MAGI2: variants seen among roughly 807,000 people sequenced by gnomAD.
MAGI2 encodes membrane associated guanylate kinase, WW and PDZ domain containing 2.
In MAGI2, 35 loss-of-function variants were observed where a neutral mutation model predicts 133.3. The ratio of observed to expected loss-of-function variants is 0.26; its 90% confidence interval spans 0.20 to 0.35. The LOEUF (loss-of-function observed/expected upper bound fraction) is 0.35. Among genes scored for constraint, MAGI2 ranks in the 10% least tolerant of loss-of-function variants. The probability of loss-of-function intolerance (pLI) is 1.00; values close to 1 mark genes in which losing one functional copy is unlikely to be tolerated. For missense variants in MAGI2, 1,636 were observed against 1,863.4 expected (o/e 0.88, Z 2.25); for synonymous variants, 729 against 710.6 (o/e 1.03, Z -0.41).
chr7:79,025,403 T>C lies in MAGI2; in HGVS notation c.302-18197A>G, dbSNP rs553254396. Among the ~76,000 whole-genome samples, 157 of 152,292 alleles carry C rather than the reference T, an allele frequency of 1.0e-3. 1 individual carries two copies. The highest frequency in any genetic ancestry group is 3.7e-3 in the African/African-American group (152 of 41,568). On this transcript the variant is annotated intron_variant, in intron 1 of 21. Coordinates refer to ENST00000354212, the MANE Select transcript of MAGI2 (RefSeq NM_012301.4). ...TCAAAAAACTACTTATTGGGTGCTA[T>C]GCTTATTACCTGGGTGATGAAGTAA...
chr7:78,949,095 A>G (rs1327945202), intron 2 of MAGI2, among the ~76,000 whole-genome samples: 1 of 152,160 alleles, frequency 6.6e-6, no homozygotes, highest in East Asian at 1.9e-4. Context: ...GGAAAAATAA[A>G]GCCTTAGTTT....
At chr7:78,881,727 G>A (rs1031920274) in intron 2 of MAGI2, among the ~76,000 whole-genome samples, 1 of 151,812 alleles carries the variant, frequency 6.6e-6, no homozygotes, top group Non-Finnish European at 1.5e-5. Flanking sequence ...AGTTAAAGCA[G>A]AGATCAAAAA....
intron 4 of MAGI2, among the ~76,000 whole-genome samples, chr7:78,511,902 TG>T (rs1284617301): frequency 6.6e-6 from 1 of 151,038 alleles, no homozygotes; most frequent in Non-Finnish European, 1.5e-5. Flanking sequence ...GAGACCAGAC[TG>T]GCTAACACGG....
chr7:78,461,420 G>A (rs1790004067), intron 6 of MAGI2, among the ~76,000 whole-genome samples: 1 of 148,680 alleles, frequency 6.7e-6, no homozygotes, highest in African/African-American at 2.4e-5. Context: ...GTGTGTGTGT[G>A]TGTGTTGGGA....
At chr7:78,475,345 A>G (rs1003141682) in intron 6 of MAGI2, among the ~76,000 whole-genome samples, 5 of 152,034 alleles carry the variant, frequency 3.3e-5, no homozygotes, top group African/African-American at 1.2e-4. Flanking sequence ...GTAAAAGAAT[A>G]GCTGGATAGT....
At chr7:78,787,166 T>A (rs1332674114) in intron 2 of MAGI2, among the ~76,000 whole-genome samples, 1 of 152,162 alleles carries the variant, frequency 6.6e-6, no homozygotes, top group Non-Finnish European at 1.5e-5. Context: ...CAGGCTGGTC[T>A]CGATCTCCTG....
chr7:78,152,712 A>G (rs751717759), intron 16 of MAGI2, among the ~76,000 whole-genome samples: 1 of 152,204 alleles, frequency 6.6e-6, no homozygotes, highest in South Asian at 2.1e-4. Context: ...AATTAGTTAT[A>G]TTAGAAGCCA....
chr7:78,670,157 G>A (rs1814185193), intron 2 of MAGI2, among the ~76,000 whole-genome samples: 1 of 151,824 alleles, frequency 6.6e-6, no homozygotes, highest in Non-Finnish European at 1.5e-5. Flanking sequence ...TGACATGATT[G>A]TATATCTAGA....
intron 2 of MAGI2, among the ~76,000 whole-genome samples, chr7:78,799,854 T>C (rs944142170): frequency 6.6e-6 from 1 of 152,266 alleles, no homozygotes; most frequent in South Asian, 2.1e-4. Context: ...CTTTTTTCCA[T>C]AGAACATTTT....
chr7:79,385,189 G>T (rs1235186732), intron 1 of MAGI2, among the ~76,000 whole-genome samples: 1 of 151,792 alleles, frequency 6.6e-6, no homozygotes, highest in African/African-American at 2.4e-5. Context: ...TGTTGTAATG[G>T]ACTAGAAGGC....
chr7:78,132,960 T>G lies in MAGI2; in HGVS notation c.3132A>C (p.Pro1044=). The stretch of plus-strand genomic sequence containing the variant: ...GGGCGATGGGGCTGTTGGGGGTGGC[T>G]GGGCTTGGCTGGGCCAGGGGACTCT... The part of the protein sequence containing the change: ...AQQSPLAQPS[P]ATPNSPIAQP... The change falls in exon 18 of 22, where the codon CCA becomes CCC. Residue 1044 remains proline (P), a synonymous_variant. Transcript: ENST00000354212. The G allele has an allele frequency of 6.2e-7, 1 of 1,613,524 alleles. No individual in the cohort carries two copies.
intron 9 of MAGI2, among the ~76,000 whole-genome samples, chr7:78,326,129 A>C (rs1420628903): frequency 6.6e-6 from 1 of 152,156 alleles, no homozygotes. Context: ...AGAGACTCCC[A>C]AGGACCACAC....
At position 78,798,088 on chromosome 7, in the gene MAGI2, T is replaced by C. The variant is rs148197875; in HGVS notation, c.419-170849A>G. ...AACAAAAATATGTAACAGGTTGTTTTTGAAATACAGAACAAAGGACCAGGA... is the reference window on the plus strand; with the variant it reads ...AACAAAAATATGTAACAGGTTGTTTCTGAAATACAGAACAAAGGACCAGGA... On this transcript the variant is annotated intron_variant, in intron 2 of 21. Coordinates refer to ENST00000354212, the MANE Select transcript of MAGI2 (RefSeq NM_012301.4). Among the ~76,000 whole-genome samples the C allele has an allele frequency of 3.0e-3, 461 of 152,296 alleles. 2 individuals carry two copies. Among genetic ancestry groups the C allele is most frequent in the African/African-American group, 0.011 (437 of 41,566 alleles).
intron 2 of MAGI2, among the ~76,000 whole-genome samples, chr7:78,874,066 AAC>A (rs1223939379): frequency 6.6e-6 from 1 of 152,218 alleles, no homozygotes; most frequent in Non-Finnish European, 1.5e-5. Context: ...TAATGAGAAT[AAC>A]CATATATGAA....
At chr7:78,508,408 T>C (rs904345605) in intron 4 of MAGI2, among the ~76,000 whole-genome samples, 1 of 152,348 alleles carries the variant, frequency 6.6e-6, no homozygotes, top group East Asian at 1.9e-4. Flanking sequence ...CCCTGATTAA[T>C]ATGGAAAATA....
chr7:78,291,927 G>GTATC (rs1323790178), intron 9 of MAGI2, among the ~76,000 whole-genome samples: 1 of 152,114 alleles, frequency 6.6e-6, no homozygotes, highest in African/African-American at 2.4e-5. Context: ...CCAATGGGAT[G>GTATC]TATCTCAAAA....
Position 78,654,722 on chromosome 7 carries a change from TATATATATATATATATATATATATATAG to T in MAGI2, c.419-27511_419-27484del, listed in dbSNP as rs1159878068. Among the ~76,000 whole-genome samples, 10 of 73,306 alleles carry T rather than the reference TATATATATATATATATATATATATATAG, an allele frequency of 1.4e-4. 1 individual carries two copies. In the South Asian group the frequency reaches 2.5e-3, roughly 18 times the overall value. 48.1% of individuals were successfully genotyped at this position (73,306 alleles called of 152,430 possible). ...ATATATGTATATATATATATATATA[TATATATATATATATATATATATATATAG>T]CATATATTTTGCATCGCAACTGGAA... On this transcript the variant is annotated intron_variant, in intron 2 of 21. Transcript: ENST00000354212.
At chr7:78,940,383 TGA>T (rs1453898100) in intron 2 of MAGI2, 10 of 152,174 alleles carry the variant, frequency 6.6e-5, no homozygotes, top group Non-Finnish European at 1.2e-4. Flanking sequence ...AAAATTTTTT[TGA>T]GAGAGTAAAG....
chr7:79,452,217 C>T (rs1056922523), intron 1 of MAGI2, among the ~76,000 whole-genome samples: 2 of 152,132 alleles, frequency 1.3e-5, no homozygotes, highest in African/African-American at 4.8e-5. Flanking sequence ...TGCGGACAAC[C>T]ATTCATCTCC....
Sources: allele counts gnomAD v4.1 joint callset (sites outside exome capture counted in the v4.1 genomes callset), GRCh38; gene constraint gnomAD v4.1.1; transcripts MANE v1.5; gene names NCBI Gene and HGNC (gene_info 2026-07-23, HGNC 2026-07-21).